The following MND1 variants were observed in gnomAD, a reference collection of about 807,000 sequenced individuals.
The protein encoded by MND1 is meiotic nuclear divisions 1, also known as meiotic nuclear division protein 1 homolog.
In MND1, 28 loss-of-function variants were observed where a neutral mutation model predicts 35.1. That is an observed-to-expected ratio of 0.80 (90% confidence interval 0.59 to 1.09). The LOEUF (loss-of-function observed/expected upper bound fraction) is 1.09. Ranked by LOEUF, MND1 falls within the 50% of genes least tolerant of loss-of-function variation. MND1 has a pLI of 0.00. For missense variants in MND1, 213 were observed against 239.6 expected (o/e 0.89, Z 0.73); for synonymous variants, 69 against 70.5 (o/e 0.98, Z 0.11).
intron 7 of MND1, among the ~76,000 whole-genome samples, chr4:153,409,947 A>G (rs1279395096): frequency 6.6e-6 from 1 of 152,218 alleles, no homozygotes; most frequent in Non-Finnish European, 1.5e-5. Flanking sequence ...GATTTCCCCC[A>G]GTATTTTCAA....
intron 6 of MND1, among the ~76,000 whole-genome samples, chr4:153,399,989 C>A (rs1342680827): frequency 6.6e-6 from 1 of 150,438 alleles, no homozygotes; most frequent in Non-Finnish European, 1.5e-5. Context: ...TAGCCTCAAC[C>A]CCCGCAAGCT....
intron 4 of MND1, among the ~76,000 whole-genome samples, chr4:153,381,404 C>A (rs1163743474): frequency 1.3e-5 from 2 of 151,136 alleles, no homozygotes; most frequent in African/African-American, 4.9e-5. Context: ...TTTGTGGCAG[C>A]CATTCTTCAA....
At chr4:153,379,092 T>C (rs1728591531) in intron 4 of MND1, among the ~76,000 whole-genome samples, 1 of 151,574 alleles carries the variant, frequency 6.6e-6, no homozygotes, top group Admixed American at 6.6e-5. Context: ...ACTGAGACCA[T>C]CCTGGCTAAC....
chr4:153,382,246 G>T (rs1429105280), intron 4 of MND1, among the ~76,000 whole-genome samples: 2 of 152,002 alleles, frequency 1.3e-5, no homozygotes, highest in Non-Finnish European at 2.9e-5. Context: ...AGATTCTAAA[G>T]AAAGCAATCT....
At position 153,355,023 on chromosome 4, in the gene MND1, G is replaced by A. The variant is rs573524167; in HGVS notation, c.70-631G>A. Among the ~76,000 whole-genome samples, 33 of 152,142 alleles carry A rather than the reference G, an allele frequency of 2.2e-4. No homozygotes were observed. The South Asian group carries it at 6.6e-3, about 31-fold the overall frequency. On this transcript the variant is annotated intron_variant, in intron 2 of 7. Coordinates refer to ENST00000240488, the MANE Select transcript of MND1 (RefSeq NM_032117.4). ...AAAAAAATTTTTAAAAATTAGCCAGGCATGGTGGTGCATGTCTGTAGTCCC... is the reference window on the plus strand; with the variant it reads ...AAAAAAATTTTTAAAAATTAGCCAGACATGGTGGTGCATGTCTGTAGTCCC...
At chr4:153,386,668 A>G (rs894960152) in intron 4 of MND1, among the ~76,000 whole-genome samples, 3 of 152,260 alleles carry the variant, frequency 2.0e-5, no homozygotes, top group Admixed American at 1.3e-4. Context: ...GTGAGCTGAG[A>G]TCACACCACT....
At chr4:153,376,281 A>T (rs1006398809) in intron 4 of MND1, among the ~76,000 whole-genome samples, 3 of 151,988 alleles carry the variant, frequency 2.0e-5, no homozygotes, top group Admixed American at 6.6e-5. Context: ...GTGTGTGTGG[A>T]TGTGTGTTTG....
intron 1 of MND1, among the ~76,000 whole-genome samples, chr4:153,349,180 C>G (rs1337881101): frequency 1.4e-5 from 2 of 144,806 alleles, no homozygotes; most frequent in Non-Finnish European, 3.0e-5. Context: ...TTTATATATT[C>G]TATGTACAAT....
At chr4:153,374,067 T>C (rs1008990967) in intron 4 of MND1, among the ~76,000 whole-genome samples, 1 of 152,178 alleles carries the variant, frequency 6.6e-6, no homozygotes, top group African/African-American at 2.4e-5. Context: ...ATCTTAAGCC[T>C]TTTAAAGCCT....
chr4:153,362,126 T>C (rs1294754730), intron 4 of MND1, among the ~76,000 whole-genome samples: 1 of 152,230 alleles, frequency 6.6e-6, no homozygotes, highest in African/African-American at 2.4e-5. Flanking sequence ...GAAATTCTAT[T>C]TGGTCCTTTT....
chr4:153,344,810 C>T (rs890119984), intron 1 of MND1, 70 bp downstream of exon 1: 10 of 1,571,944 alleles, frequency 6.4e-6, no homozygotes, highest in Non-Finnish European at 7.8e-6. Flanking sequence ...CCCTCGGCTG[C>T]ATGTGGATCC....
intron 5 of MND1, among the ~76,000 whole-genome samples, chr4:153,394,882 ATTAGG>A (rs1729156747): frequency 6.6e-6 from 1 of 152,182 alleles, no homozygotes; most frequent in Non-Finnish European, 1.5e-5. Context: ...TTTTCTAAGT[ATTAGG>A]TTAGAGATTT....
intron 6 of MND1, among the ~76,000 whole-genome samples, chr4:153,401,687 T>C (rs1729351326): frequency 1.3e-5 from 2 of 152,232 alleles, no homozygotes; most frequent in African/African-American, 4.8e-5. Flanking sequence ...TGGTTCTTAG[T>C]AGCATGGCTA....
intron 4 of MND1, among the ~76,000 whole-genome samples, chr4:153,364,352 C>T (rs1263457975): frequency 2.0e-5 from 3 of 151,722 alleles, no homozygotes; most frequent in African/African-American, 7.3e-5. Context: ...TCCATCTCTA[C>T]AAAAAAATGG....
At chr4:153,390,916 T>TAC (rs1491403378) in intron 4 of MND1, among the ~76,000 whole-genome samples, 2 of 126,406 alleles carry the variant, frequency 1.6e-5, no homozygotes, top group African/African-American at 6.7e-5. Context: ...TGTGTGTGTG[T>TAC]ATATGTGTGT....
intron 4 of MND1, among the ~76,000 whole-genome samples, chr4:153,390,461 T>G (rs1315631360): frequency 8.5e-5 from 13 of 152,194 alleles, no homozygotes; most frequent in Admixed American, 8.5e-4. Context: ...ATTAAGGAAT[T>G]TCTGAATGAG....
intron 1 of MND1, among the ~76,000 whole-genome samples, 179 bp downstream of exon 1, chr4:153,344,919 G>T (rs1439290207): frequency 6.6e-6 from 1 of 152,082 alleles, no homozygotes; most frequent in Non-Finnish European, 1.5e-5. Flanking sequence ...CAGCCACTCC[G>T]CACTCTGCGG....
At chr4:153,345,162 G>GCCC (rs1554008235) in intron 1 of MND1, among the ~76,000 whole-genome samples, 167 of 152,136 alleles carry the variant, frequency 1.1e-3, no homozygotes, top group African/African-American at 4.0e-3. Flanking sequence ...GCGTGGTGTA[G>GCCC]CCCCCCCCAT....
chr4:153,393,919 G>GTTT (rs1360869360), intron 4 of MND1, among the ~76,000 whole-genome samples: 48 of 55,512 alleles, frequency 8.6e-4, no homozygotes, highest in African/African-American at 2.5e-3. Context: ...GTTTGACTTT[G>GTTT]TTTTCTTTTT....
Sources: allele counts gnomAD v4.1 joint callset (sites outside exome capture counted in the v4.1 genomes callset), GRCh38; gene constraint gnomAD v4.1.1; transcripts MANE v1.5; gene names NCBI Gene and HGNC (gene_info 2026-07-23, HGNC 2026-07-21).